Variants in COMMD10 observed in about 807,000 individuals in gnomAD.
COMMD10 encodes the protein COMM domain-containing protein 10.
COMMD10 carries 33 observed loss-of-function variants against 28.9 expected under a neutral mutation model. The observed-to-expected ratio is 1.14, with a 90% CI of 0.87 to 1.53. COMMD10 has a LOEUF of 1.53. Ranked by LOEUF, COMMD10 falls within the 40% of genes most tolerant of loss-of-function variation. COMMD10 has a pLI of 0.00. For synonymous variants in COMMD10, 110 were observed against 81.7 expected (o/e 1.35, Z -1.87); for missense variants, 310 against 233.4 (o/e 1.33, Z -2.14).
chr5:116,104,944 T>G (rs1750790297), intron 4 of COMMD10, among the ~76,000 whole-genome samples: 1 of 152,198 alleles, frequency 6.6e-6, no homozygotes, highest in African/African-American at 2.4e-5. Context: ...TGAATATCCT[T>G]TCTTTCTTTC....
intron 5 of COMMD10, among the ~76,000 whole-genome samples, chr5:116,290,767 C>T (rs1751340882): frequency 6.7e-6 from 1 of 149,758 alleles, no homozygotes; most frequent in Non-Finnish European, 1.5e-5. Context: ...AAAATAAACA[C>T]ATTTGAGCAG....
At chr5:116,219,310 C>T (rs186759408) in intron 5 of COMMD10, among the ~76,000 whole-genome samples, 2 of 152,260 alleles carry the variant, frequency 1.3e-5, no homozygotes, top group East Asian at 3.9e-4. Context: ...TCCCCTTCCC[C>T]TTCCCATTTT....
chr5:116,255,078 T>C (rs1750242614), intron 5 of COMMD10, among the ~76,000 whole-genome samples: 1 of 151,692 alleles, frequency 6.6e-6, no homozygotes, highest in South Asian at 2.1e-4. Flanking sequence ...CTTTTGATCT[T>C]TGTTGGTTTA....
chr5:116,195,202 A>G (rs1748477547), intron 5 of COMMD10, among the ~76,000 whole-genome samples: 1 of 152,206 alleles, frequency 6.6e-6, no homozygotes, highest in African/African-American at 2.4e-5. Context: ...ACCCACAGCC[A>G]ACATAATACT....
chr5:116,187,566 T>C (rs1450120629), intron 5 of COMMD10, among the ~76,000 whole-genome samples: 3 of 152,076 alleles, frequency 2.0e-5, no homozygotes, highest in Admixed American at 6.6e-5. Context: ...TGCTACAAAG[T>C]AGGTTAAATG....
intron 4 of COMMD10, among the ~76,000 whole-genome samples, chr5:116,106,796 C>T (rs772782308): frequency 1.3e-5 from 2 of 152,174 alleles, no homozygotes; most frequent in Non-Finnish European, 2.9e-5. Flanking sequence ...ACTAGGATTG[C>T]AACCCCTCCT....
chr5:116,190,798 C>A (rs533931058), intron 5 of COMMD10, among the ~76,000 whole-genome samples: 2 of 152,112 alleles, frequency 1.3e-5, no homozygotes, highest in African/African-American at 2.4e-5. Flanking sequence ...ACCTTAAGTT[C>A]TATAAAACTT....
intron 5 of COMMD10, among the ~76,000 whole-genome samples, chr5:116,182,218 A>T (rs1457618346): frequency 6.6e-6 from 1 of 152,118 alleles, no homozygotes; most frequent in Non-Finnish European, 1.5e-5. Flanking sequence ...AGGCAACAAC[A>T]ACAACAAAAA....
intron 5 of COMMD10, among the ~76,000 whole-genome samples, chr5:116,232,281 T>C (rs938906714): frequency 6.6e-6 from 1 of 151,808 alleles, no homozygotes; most frequent in African/African-American, 2.4e-5. Flanking sequence ...GACTTTGAGA[T>C]GTTAAAAGTG....
At chr5:116,276,386 G>A (rs1009695753) in intron 5 of COMMD10, among the ~76,000 whole-genome samples, 1 of 151,470 alleles carries the variant, frequency 6.6e-6, no homozygotes, top group Non-Finnish European at 1.5e-5. Flanking sequence ...CCAAGTAGTT[G>A]GGATTACACC....
intron 5 of COMMD10, among the ~76,000 whole-genome samples, chr5:116,194,445 A>G (rs1014569054): frequency 1.3e-5 from 2 of 152,210 alleles, no homozygotes; most frequent in African/African-American, 4.8e-5. Context: ...AAAAGAAGGG[A>G]GAAAATCCAA....
At chr5:116,157,065 A>G (rs1752741146) in intron 5 of COMMD10, among the ~76,000 whole-genome samples, 1 of 152,110 alleles carries the variant, frequency 6.6e-6, no homozygotes, top group Non-Finnish European at 1.5e-5. Context: ...TATAGGGAAC[A>G]CAATTTTGCC....
rs115011877 is a variant in COMMD10 at position 116,140,798 on chromosome 5, T to C, written c.510+6620T>C. ...TTAGTACATTATTATTATTTTGCTA[T>C]TGAATTGTGTGAGTTCCTTATACAT... On this transcript the variant is annotated intron_variant, in intron 5 of 6. Transcript: ENST00000274458. Among the ~76,000 whole-genome samples, 450 of 152,006 alleles carry C rather than the reference T, an allele frequency of 3.0e-3. 3 individuals carry two copies. Among genetic ancestry groups the C allele is most frequent in the African/African-American group, 0.01 (431 of 41,532 alleles).
chr5:116,239,602 G>A (rs139374234), intron 5 of COMMD10, among the ~76,000 whole-genome samples: 6 of 152,018 alleles, frequency 3.9e-5, no homozygotes, highest in East Asian at 1.9e-4. Flanking sequence ...CAACTTCCAC[G>A]ACATTTAGAA....
At chr5:116,249,871 G>A (rs1029558300) in intron 5 of COMMD10, among the ~76,000 whole-genome samples, 2 of 151,862 alleles carry the variant, frequency 1.3e-5, no homozygotes, top group Non-Finnish European at 2.9e-5. Flanking sequence ...AACAATGACA[G>A]TAAAGTAATA....
chr5:116,245,341 A>G (rs996868050), intron 5 of COMMD10, among the ~76,000 whole-genome samples: 5 of 152,104 alleles, frequency 3.3e-5, no homozygotes, highest in African/African-American at 4.8e-5. Flanking sequence ...TTGGAAATTG[A>G]GACAGTAATA....
chr5:116,256,366 T>G (rs1750285848), intron 5 of COMMD10, among the ~76,000 whole-genome samples: 1 of 151,760 alleles, frequency 6.6e-6, no homozygotes, highest in African/African-American at 2.4e-5. Flanking sequence ...AGCTTTGACA[T>G]GATTATAGTG....
intron 5 of COMMD10, among the ~76,000 whole-genome samples, chr5:116,145,701 G>A (rs947067794): frequency 5.9e-5 from 9 of 151,852 alleles, no homozygotes; most frequent in African/African-American, 2.2e-4. Context: ...CCAGGTGGAG[G>A]TAGTTGAATC....
At chr5:116,129,164 T>C (rs978344767) in intron 4 of COMMD10, among the ~76,000 whole-genome samples, 9 of 151,596 alleles carry the variant, frequency 5.9e-5, no homozygotes, top group Non-Finnish European at 1.3e-4. Flanking sequence ...ATAATTTATA[T>C]AATTTTAAAC....
Sources: gnomAD v4.1 joint callset for allele counts (sites outside exome capture counted in the v4.1 genomes callset) on GRCh38, gnomAD v4.1.1 for gene constraint, MANE v1.5 for transcripts, NCBI Gene and HGNC (gene_info 2026-07-23, HGNC 2026-07-21) for gene names.